LRRK1: variants seen among roughly 807,000 people sequenced by gnomAD.
LRRK1 encodes the protein leucine-rich repeat serine/threonine-protein kinase 1.
In LRRK1, 113 loss-of-function variants were observed where a neutral mutation model predicts 209.1. That is an observed-to-expected ratio of 0.54 (90% confidence interval 0.46 to 0.63). LRRK1 has a LOEUF of 0.63. LRRK1 is among the 30% of genes least tolerant of loss of function. The probability of loss-of-function intolerance (pLI) is 0.00; values close to 1 mark genes in which losing one functional copy is unlikely to be tolerated. For missense variants in LRRK1, 2,284 were observed against 2,632.2 expected (o/e 0.87, Z 2.89); for synonymous variants, 1,144 against 1,099.7 (o/e 1.04, Z -0.80).
At chr15:101,019,661 C>T (rs1314530798) in intron 12 of LRRK1, among the ~76,000 whole-genome samples, 2 of 152,186 alleles carry the variant, frequency 1.3e-5, no homozygotes, top group South Asian at 2.1e-4. Context: ...CAAGGGCAAC[C>T]GAGCCTGGTT....
intron 16 of LRRK1, among the ~76,000 whole-genome samples, chr15:101,025,478 A>G (rs1216468379): frequency 3.3e-5 from 5 of 152,234 alleles, no homozygotes; most frequent in Admixed American, 3.3e-4. Context: ...TAATTTATGA[A>G]GAAAAGAGGT....
At chr15:101,043,278 T>C (rs922618413) in intron 20 of LRRK1, among the ~76,000 whole-genome samples, 2 of 152,188 alleles carry the variant, frequency 1.3e-5, no homozygotes, top group African/African-American at 4.8e-5. Flanking sequence ...CACCTTTGCC[T>C]GAGGCCCCAC....
intron 2 of LRRK1, among the ~76,000 whole-genome samples, chr15:100,935,352 G>T (rs1386895732): frequency 6.6e-6 from 1 of 152,210 alleles, no homozygotes; most frequent in African/African-American, 2.4e-5. Context: ...TAAAGGAGCT[G>T]GGGAAATGGT....
At chr15:101,044,512 C>A (rs184276312) in intron 20 of LRRK1, among the ~76,000 whole-genome samples, 1 of 152,334 alleles carries the variant, frequency 6.6e-6, no homozygotes, top group Admixed American at 6.5e-5. Flanking sequence ...AAACCCGGAG[C>A]CAGCGGCCTC....
intron 22 of LRRK1, 76 bp from the exon 23 acceptor site, chr15:101,049,568 C>G: frequency 1.3e-6 from 2 of 1,547,310 alleles, no homozygotes; most frequent in Non-Finnish European, 1.8e-6. Context: ...GGTTCCTGTC[C>G]CTGGGGGTAG....
rs112118460 is a variant in LRRK1, at chr15:100,939,456, T to C, written c.97+14727T>C. Reference sequence around the variant, plus strand: ...AAGATGTTTTGGCAAAAATGCCCAATAGATGGTGGGTTCTTCCTCCTGCAT... The same window carrying C: ...AAGATGTTTTGGCAAAAATGCCCAACAGATGGTGGGTTCTTCCTCCTGCAT... On this transcript the variant is annotated intron_variant, in intron 2 of 33. Transcript: ENST00000388948. 1.3e-3 allele frequency among the ~76,000 whole-genome samples: 194 copies of C among 152,348 alleles called. 3 individuals carry two copies. The highest frequency in any genetic ancestry group is 4.6e-3 in the African/African-American group (190 of 41,578).
chr15:101,021,064 G>A lies in LRRK1; in HGVS notation c.1621G>A (p.Glu541Lys), dbSNP rs904019203. Residue 541 changes from glutamate to lysine, a missense_variant, in exon 13 of 34, where the codon GAA (glutamate) becomes AAA (lysine). By Grantham distance (56) the Glu-to-Lys change is moderately conservative (BLOSUM62 1). Around this residue, in one of 6 missense-constraint regions of LRRK1, gnomAD observed 494 missense variants for 522.1 expected, o/e 0.95. Coordinates refer to ENST00000388948, the MANE Select transcript of LRRK1 (RefSeq NM_024652.6). ...RSGTEAASVL[E>K]FPAFLSESLE... The stretch of plus-strand genomic sequence containing the variant: ...CCATGTCTTTGCAGCAAGTGTGCTG[G>A]AATTTCCGGCCTTCCTAAGTGAGTC... 1 of 1,614,012 alleles carries A rather than the reference G, an allele frequency of 6.2e-7. No individual in the cohort carries two copies. Among genetic ancestry groups the A allele is most frequent in the African/African-American group, 1.3e-5 (1 of 74,924 alleles).
intron 5 of LRRK1, among the ~76,000 whole-genome samples, 192 bp from the exon 6 acceptor site, chr15:100,989,058 G>A (rs938249946): frequency 1.2e-4 from 18 of 152,230 alleles, no homozygotes; most frequent in Admixed American, 8.5e-4. Flanking sequence ...GTTGTACGAG[G>A]CACTCCAAAG....
chr15:100,998,142 T>G (rs187866111), intron 6 of LRRK1, among the ~76,000 whole-genome samples: 237 of 149,792 alleles, frequency 1.6e-3, no homozygotes, highest in Non-Finnish European at 2.5e-3. Flanking sequence ...ATAGTGCCAT[T>G]GCACTTCAGC....
In LRRK1 at chr15:101,070,849, C is replaced by G; in HGVS notation, c.*2001C>G. 6.7e-6 allele frequency: 1 copy of G among 149,530 alleles called. No individual in the cohort carries two copies. The highest frequency in any genetic ancestry group is 1.5e-5 in the Non-Finnish European group (1 of 67,478). 9.3% of individuals were successfully genotyped at this position (149,530 alleles called of 1,614,324 possible). A position where few individuals can be genotyped will look rare whatever the true frequency, so the allele number is the denominator to read the frequency against. On this transcript the variant is annotated 3_prime_UTR_variant, in exon 34 of 34. Transcript: ENST00000388948. ...TGAACTTGACTCCATGAAATTGAAA[C>G]TTACGTGGAAAATTAGTCCAAAGCC... is the stretch of plus-strand genomic sequence containing the variant.
At chr15:101,057,075 G>A in intron 28 of LRRK1, 25 bp downstream of exon 28, 1 of 1,548,468 alleles carries the variant, frequency 6.5e-7, no homozygotes, top group South Asian at 1.2e-5. Context: ...AGAGCCCAGG[G>A]CCTGGGACCT....
intron 20 of LRRK1, among the ~76,000 whole-genome samples, chr15:101,035,585 TG>T (rs1156408760): frequency 6.6e-6 from 1 of 152,194 alleles, no homozygotes; most frequent in African/African-American, 2.4e-5. Context: ...AATTGAATCA[TG>T]TTTTTTTAAT....
At chr15:101,049,906 G>T (rs1038724949) in intron 23 of LRRK1, 123 bp downstream of exon 23, 5 of 1,075,154 alleles carry the variant, frequency 4.7e-6, no homozygotes, top group African/African-American at 3.2e-5. Context: ...AAACTAGGGG[G>T]TCTTAACAGC....
intron 17 of LRRK1, among the ~76,000 whole-genome samples, chr15:101,026,710 T>C (rs1033729193): frequency 2.2e-4 from 34 of 152,350 alleles, no homozygotes; most frequent in African/African-American, 7.7e-4. Flanking sequence ...AAGATGAGGT[T>C]CAGCAAATTA....
chr15:101,028,561 C>A (rs576470297), intron 19 of LRRK1, among the ~76,000 whole-genome samples: 138 of 152,376 alleles, frequency 9.1e-4, no homozygotes, highest in Middle Eastern at 3.4e-3. Context: ...AGAGAGTTGT[C>A]CTGTTCAGCC....
At chr15:101,001,637 T>A (rs2032695922) in intron 6 of LRRK1, among the ~76,000 whole-genome samples, 1 of 152,232 alleles carries the variant, frequency 6.6e-6, no homozygotes, top group Admixed American at 6.5e-5. Flanking sequence ...GGGGTTTGTA[T>A]GGGCCAAGAA....
At position 101,065,747 on chromosome 15, in the gene LRRK1, G is replaced by A; in HGVS notation, c.5310G>A (p.Gln1770=). The A allele has an allele frequency of 6.2e-7, 1 of 1,614,162 alleles. No homozygotes were observed. The change falls in exon 32 of 34, where the codon CAG becomes CAA. Residue 1770 remains glutamine, a synonymous_variant. Coordinates refer to ENST00000388948, the MANE Select transcript of LRRK1 (RefSeq NM_024652.6). ...SLVMYHSTTY[Q]LCARYFCGVP... is the part of the protein sequence containing the mutation. ...TGATGTACCACTCCACCACCTACCA[G>A]CTGTGTGCCCGGTACTTCTGCGGGG...
At chr15:101,005,936 A>G (rs560891617) in intron 6 of LRRK1, among the ~76,000 whole-genome samples, 1 of 152,392 alleles carries the variant, frequency 6.6e-6, no homozygotes, top group Admixed American at 6.5e-5. Flanking sequence ...TCTCATTGCA[A>G]CCACCGTTGT....
chr15:101,059,322 C>T (rs1055529805), intron 29 of LRRK1, among the ~76,000 whole-genome samples: 2 of 152,160 alleles, frequency 1.3e-5, no homozygotes, highest in African/African-American at 4.8e-5. Context: ...TACTTGAACC[C>T]AGGAGTTTGC....
Sources: allele counts gnomAD v4.1 joint callset (sites outside exome capture counted in the v4.1 genomes callset), GRCh38; gene constraint gnomAD v4.1.1; regional missense constraint gnomAD v4.1.1; transcripts MANE v1.5; gene names NCBI Gene and HGNC (gene_info 2026-07-23, HGNC 2026-07-21).